FAM227B: variants seen among roughly 807,000 people sequenced by gnomAD.
The protein encoded by FAM227B is family with sequence similarity 227 member B, also known as protein FAM227B.
A neutral mutation model predicts 73.8 loss-of-function variants in FAM227B; 88 were observed. The ratio of observed to expected loss-of-function variants is 1.19; its 90% CI spans 1.00 to 1.42. FAM227B has a LOEUF of 1.42. Ranked by LOEUF, FAM227B falls within the 40% of genes most tolerant of loss-of-function variation. The pLI is 0.00. For missense variants in FAM227B, 632 were observed against 590.9 expected (o/e 1.07, Z -0.72); for synonymous variants, 210 against 190.5 (o/e 1.10, Z -0.84).
At chr15:49,411,382 A>G (rs1382835253) in intron 11 of FAM227B, among the ~76,000 whole-genome samples, 1 of 152,138 alleles carries the variant, frequency 6.6e-6, no homozygotes, top group Non-Finnish European at 1.5e-5. Flanking sequence ...CAAAAATTTT[A>G]TATATTTCAT....
At chr15:49,380,071 T>C (rs762903066) in intron 11 of FAM227B, among the ~76,000 whole-genome samples, 3 of 152,194 alleles carry the variant, frequency 2.0e-5, no homozygotes, top group South Asian at 2.1e-4. Context: ...TGGTATTCTA[T>C]TGTATTACAG....
intron 11 of FAM227B, among the ~76,000 whole-genome samples, chr15:49,462,074 G>A (rs1018242325): frequency 6.6e-6 from 1 of 151,976 alleles, no homozygotes; most frequent in Non-Finnish European, 1.5e-5. Context: ...AGCTGAGATC[G>A]TGCCACTGTA....
At chr15:49,563,074 A>G (rs2074381394) in intron 9 of FAM227B, among the ~76,000 whole-genome samples, 1 of 152,204 alleles carries the variant, frequency 6.6e-6, no homozygotes, top group African/African-American at 2.4e-5. Flanking sequence ...CACTAATGAT[A>G]TAATTCTATA....
chr15:49,389,745 T>C (rs565687306), intron 11 of FAM227B, among the ~76,000 whole-genome samples: 1 of 152,148 alleles, frequency 6.6e-6, no homozygotes, highest in East Asian at 1.9e-4. Context: ...TGAGAGAATA[T>C]ATATTTAGGA....
At chr15:49,541,550 T>C in intron 10 of FAM227B, 130 bp downstream of exon 10, 2 of 723,786 alleles carry the variant, frequency 2.8e-6, no homozygotes, top group Admixed American at 3.4e-5. Context: ...TTTTAACACA[T>C]GGGTACTGCT....
At chr15:49,537,940 T>C (rs2070502884) in intron 10 of FAM227B, among the ~76,000 whole-genome samples, 1 of 152,014 alleles carries the variant, frequency 6.6e-6, no homozygotes, top group Non-Finnish European at 1.5e-5. Context: ...ATGAATGGGA[T>C]GATAAAGGTT....
At chr15:49,476,913 A>G (rs978945421) in intron 11 of FAM227B, among the ~76,000 whole-genome samples, 3 of 151,766 alleles carry the variant, frequency 2.0e-5, no homozygotes, top group African/African-American at 7.3e-5. Flanking sequence ...CAAAAAAATT[A>G]GCCGGGCGTG....
intron 11 of FAM227B, among the ~76,000 whole-genome samples, chr15:49,437,914 G>C (rs1056676677): frequency 2.0e-5 from 3 of 151,636 alleles, no homozygotes; most frequent in Middle Eastern, 3.4e-3. Flanking sequence ...GGGAGAGAAA[G>C]GGCAATACTC....
At position 49,575,064 on chromosome 15, in the gene FAM227B, A is replaced by T; in HGVS notation, c.592T>A (p.Ser198Thr). 1 of 1,603,140 alleles carries T rather than the reference A, an allele frequency of 6.2e-7. No homozygotes were observed. The highest frequency in any genetic ancestry group is 8.5e-7 in the Non-Finnish European group (1 of 1,174,048). The change falls in exon 8 of 16, where the codon TCC (serine) becomes ACC (threonine). Residue 198 changes from serine (S) to threonine (T), a missense_variant. Coordinates refer to ENST00000299338, the MANE Select transcript of FAM227B (RefSeq NM_152647.3). ...IWKTHFLSEA[S>T]IALLHDSFWW... ...AAGGAGTCATGCAAAAGAGCAATGGAGGCTTCTGAGAGAAAATGAGTCTTC... is the reference window on the plus strand; with the variant it reads ...AAGGAGTCATGCAAAAGAGCAATGGTGGCTTCTGAGAGAAAATGAGTCTTC...
rs371379046 is a variant in FAM227B at position 49,426,931 on chromosome 15, C to T, written c.1013-55532G>A. Reference sequence around the variant, plus strand: ...TCCTTTAAGTAAACCCTAAAACTGTCGTAAGGTTATGTGGCTATCTTATTG... The same window carrying T: ...TCCTTTAAGTAAACCCTAAAACTGTTGTAAGGTTATGTGGCTATCTTATTG... On this transcript the variant is annotated intron_variant, in intron 11 of 15. Transcript: ENST00000299338. Among the ~76,000 whole-genome samples, 6 of 151,978 alleles carry T rather than the reference C, an allele frequency of 3.9e-5. No homozygotes were observed. The South Asian group carries it at 8.3e-4, about 21-fold the overall frequency.
At position 49,508,286 on chromosome 15, in the gene FAM227B, T is replaced by C. The variant is rs2058726520; in HGVS notation, c.937A>G (p.Ile313Val). 3.1e-6 allele frequency: 5 copies of C among 1,611,312 alleles called. No individual in the cohort carries two copies. Among genetic ancestry groups the C allele is most frequent in the African/African-American group, 1.3e-5 (1 of 74,728 alleles). ...WKLKELSTTTIHGSKKAPAKS... is the reference protein window; with the variant it reads ...WKLKELSTTTVHGSKKAPAKS... ...GCAGGTGCTTTTTTGCTACCATGAA[T>C]GGTGGTTGTGGAGAGTTCTTTCAGT... Residue 313 changes from isoleucine (I) to valine (V), a missense_variant, in exon 11 of 16, where the codon ATT (isoleucine) becomes GTT (valine). By Grantham distance (29) the Ile-to-Val change is conservative. Coordinates refer to ENST00000299338, the MANE Select transcript of FAM227B (RefSeq NM_152647.3).
chr15:49,564,245 C>T (rs1185905437), intron 9 of FAM227B, among the ~76,000 whole-genome samples: 2 of 152,140 alleles, frequency 1.3e-5, no homozygotes, highest in Non-Finnish European at 2.9e-5. Flanking sequence ...TGCTCAACAT[C>T]ACCAATCATT....
chr15:49,422,458 A>G, intron 11 of FAM227B: 1 of 1,126,136 alleles, frequency 8.9e-7, no homozygotes, highest in East Asian at 3.2e-5. Context: ...AAAATCAAAC[A>G]CTGATAATCA....
chr15:49,539,280 G>A (rs965944248), intron 10 of FAM227B, among the ~76,000 whole-genome samples: 5 of 152,194 alleles, frequency 3.3e-5, no homozygotes, highest in South Asian at 2.1e-4. Flanking sequence ...GGTTGTTAGC[G>A]TCTTCAGCTA....
intron 13 of FAM227B, among the ~76,000 whole-genome samples, chr15:49,339,415 C>T (rs1042724434): frequency 1.3e-5 from 2 of 152,082 alleles, no homozygotes; most frequent in Admixed American, 1.3e-4. Context: ...GCTGTAGGTC[C>T]GCCCCAGACC....
At chr15:49,536,215 T>C (rs1178109720) in intron 10 of FAM227B, among the ~76,000 whole-genome samples, 3 of 151,770 alleles carry the variant, frequency 2.0e-5, no homozygotes, top group Non-Finnish European at 4.4e-5. Context: ...AACTGATAAG[T>C]GATTTCTGCA....
chr15:49,418,365 T>C (rs1039162236), intron 11 of FAM227B, among the ~76,000 whole-genome samples: 8 of 152,218 alleles, frequency 5.3e-5, no homozygotes, highest in African/African-American at 1.7e-4. Context: ...TGCATGTGTA[T>C]GTTCATTGCA....
At chr15:49,382,826 G>T (rs2046629647) in intron 11 of FAM227B, among the ~76,000 whole-genome samples, 1 of 152,054 alleles carries the variant, frequency 6.6e-6, no homozygotes, top group Admixed American at 6.6e-5. Context: ...TCTATGGGTA[G>T]CTGATAAAGG....
chr15:49,589,965 A>G lies in FAM227B; in HGVS notation c.148T>C (p.Trp50Arg). The change falls in exon 4 of 16, where the codon TGG becomes CGG. Residue 50 changes from tryptophan to arginine, a missense_variant. Trp to Arg is a moderately radical substitution (Grantham distance 101, BLOSUM62 -3). Transcript: ENST00000299338. ...REIHFRDDDK[W>R]SCTLKKIKED... ...TTTATTTTTTTCAGAGTGCATGACCATTTATCATCATCTCTAAAATGGATT... is the reference window on the plus strand; with the variant it reads ...TTTATTTTTTTCAGAGTGCATGACCGTTTATCATCATCTCTAAAATGGATT... 1 of 1,607,010 alleles carries G rather than the reference A, an allele frequency of 6.2e-7. No individual in the cohort carries two copies. The highest frequency in any genetic ancestry group is 8.5e-7 in the Non-Finnish European group (1 of 1,174,020).
Sources: gnomAD v4.1 joint callset for allele counts (sites outside exome capture counted in the v4.1 genomes callset) on GRCh38, gnomAD v4.1.1 for gene constraint, MANE v1.5 for transcripts, NCBI Gene and HGNC (gene_info 2026-07-23, HGNC 2026-07-21) for gene names.